Variants in ERC2 observed in about 807,000 individuals in gnomAD.
The protein encoded by ERC2 is ELKS/RAB6-interacting/CAST family member 2.
ERC2 carries 42 observed loss-of-function variants against 114.8 expected under a neutral mutation model. The observed-to-expected ratio is 0.37, with a 90% CI of 0.29 to 0.47. The LOEUF is 0.47. Among genes scored for constraint, ERC2 ranks in the 20% least tolerant of loss-of-function variants. The pLI is 0.99. For missense variants in ERC2, 939 were observed against 1,150.7 expected, an observed-to-expected ratio of 0.82 and a Z score of 2.66; for synonymous variants, 454 against 425.5, an observed-to-expected ratio of 1.07 and a Z score of -0.82.
At chr3:55,648,912 G>C (rs2060499412) in intron 17 of ERC2, among the ~76,000 whole-genome samples, 1 of 152,118 alleles carries the variant, frequency 6.6e-6, no homozygotes, top group African/African-American at 2.4e-5. Context: ...GTACAAGTGG[G>C]ACCAGGGAGG....
At chr3:56,040,695 G>T (rs559721459) in intron 7 of ERC2, among the ~76,000 whole-genome samples, 42 of 75,228 alleles carry the variant, frequency 5.6e-4, no homozygotes, top group African/African-American at 1.2e-3. Flanking sequence ...TCTCTATATA[G>T]AGAGAGATAT....
At chr3:56,196,658 T>C (rs2048125490) in intron 3 of ERC2, among the ~76,000 whole-genome samples, 1 of 152,212 alleles carries the variant, frequency 6.6e-6, no homozygotes, top group East Asian at 1.9e-4. Flanking sequence ...ATAATTTTCC[T>C]GTTAGCCATT....
At position 55,888,528 on chromosome 3, in the gene ERC2, G is replaced by A; in HGVS notation, c.2425C>T (p.Leu809=). 1 of 1,613,828 alleles carries A rather than the reference G, an allele frequency of 6.2e-7. No individual in the cohort carries two copies. Among genetic ancestry groups the A allele is most frequent in the South Asian group, 1.1e-5 (1 of 91,074 alleles). ...HLQIEELMNA[L]EKTRQELDAT... The stretch of plus-strand genomic sequence containing the variant: ...TCCAGTTCCTGTCTGGTCTTCTCCA[G>A]TGCATTCATCAGTTCCTCTATCTGA... The change falls in exon 14 of 18, where the codon CTG becomes TTG. Residue 809 remains leucine (L), a synonymous_variant. Transcript: ENST00000288221.
At chr3:55,632,923 G>C (rs566395629) in intron 17 of ERC2, among the ~76,000 whole-genome samples, 2 of 152,330 alleles carry the variant, frequency 1.3e-5, no homozygotes, top group African/African-American at 4.8e-5. Flanking sequence ...TAAACCACAA[G>C]TGTTCAAATT....
chr3:55,604,247 C>A (rs189649929), intron 17 of ERC2, among the ~76,000 whole-genome samples: 118 of 152,120 alleles, frequency 7.8e-4, no homozygotes, highest in African/African-American at 2.7e-3. Flanking sequence ...ACAACCGAGA[C>A]CCTCCCCTCA....
In ERC2 at chr3:56,465,988, G is replaced by A. The variant is rs536311330; in HGVS notation, c.-141+2260C>T. 7.2e-5 allele frequency among the ~76,000 whole-genome samples: 11 copies of A among 152,360 alleles called. No homozygotes were observed. In the South Asian group the frequency reaches 8.3e-4, roughly 11 times the overall value. Reference sequence around the variant, plus strand: ...CAAGGTCATGGGCTCTGGGTAAGACGAACCCGGGCTCAGGTTCTTGCTTTC... The same window carrying A: ...CAAGGTCATGGGCTCTGGGTAAGACAAACCCGGGCTCAGGTTCTTGCTTTC... On this transcript the variant is annotated intron_variant, in intron 1 of 17. Transcript: ENST00000288221.
At chr3:55,891,090 A>G (rs1375641469) in intron 13 of ERC2, among the ~76,000 whole-genome samples, 1 of 152,218 alleles carries the variant, frequency 6.6e-6, no homozygotes, top group Non-Finnish European at 1.5e-5. Flanking sequence ...TGGTTTCACA[A>G]TATTCTAGTT....
intron 17 of ERC2, among the ~76,000 whole-genome samples, chr3:55,607,291 G>A (rs377479471): frequency 6.6e-6 from 1 of 152,146 alleles, no homozygotes; most frequent in Non-Finnish European, 1.5e-5. Flanking sequence ...CCAGACTGGG[G>A]GTGAGTGGTC....
chr3:55,562,935 C>A (rs536874168), intron 17 of ERC2, among the ~76,000 whole-genome samples: 65 of 152,246 alleles, frequency 4.3e-4, no homozygotes, highest in African/African-American at 1.5e-3. Flanking sequence ...TGGAAATAAG[C>A]CATCCACTGT....
At chr3:56,431,091 G>A (rs1273558410) in intron 2 of ERC2, among the ~76,000 whole-genome samples, 1 of 152,166 alleles carries the variant, frequency 6.6e-6, no homozygotes. Flanking sequence ...TCAGATGACT[G>A]ATGAAATCAC....
intron 2 of ERC2, among the ~76,000 whole-genome samples, chr3:56,376,568 G>A (rs2059549246): frequency 6.6e-6 from 1 of 151,988 alleles, no homozygotes; most frequent in African/African-American, 2.4e-5. Context: ...TTTGAGACCA[G>A]CCTGACCAAC....
chr3:56,355,249 T>C (rs1214741831), intron 2 of ERC2, among the ~76,000 whole-genome samples: 1 of 152,196 alleles, frequency 6.6e-6, no homozygotes, highest in Non-Finnish European at 1.5e-5. Context: ...GAGAACACAC[T>C]ATAATTCTAA....
At chr3:55,820,714 T>G (rs887227760) in intron 14 of ERC2, among the ~76,000 whole-genome samples, 1 of 152,130 alleles carries the variant, frequency 6.6e-6, no homozygotes, top group Admixed American at 6.5e-5. Context: ...ACCAGATAGG[T>G]CACTACTCTG....
intron 4 of ERC2, among the ~76,000 whole-genome samples, chr3:56,150,023 G>C (rs113244854): frequency 2.6e-5 from 4 of 152,196 alleles, no homozygotes; most frequent in African/African-American, 4.8e-5. Context: ...GGCTTCAATC[G>C]GTCTTTGAAA....
At chr3:55,706,583 T>C (rs1432759791) in intron 15 of ERC2, among the ~76,000 whole-genome samples, 1 of 151,992 alleles carries the variant, frequency 6.6e-6, no homozygotes, top group Non-Finnish European at 1.5e-5. Context: ...TTTTATTTTT[T>C]GTATTTTTAG....
intron 13 of ERC2, among the ~76,000 whole-genome samples, chr3:55,949,278 G>A (rs987728494): frequency 2.6e-5 from 4 of 152,144 alleles, no homozygotes; most frequent in African/African-American, 9.7e-5. Context: ...GTTGAGGCAC[G>A]AGAATGGTGT....
At chr3:55,536,941 G>A (rs1055608492) in intron 17 of ERC2, among the ~76,000 whole-genome samples, 3 of 152,184 alleles carry the variant, frequency 2.0e-5, no homozygotes, top group Non-Finnish European at 4.4e-5. Flanking sequence ...TATAATTATT[G>A]ACCTGAGACA....
chr3:55,628,690 T>C (rs2059621271), intron 17 of ERC2, among the ~76,000 whole-genome samples: 1 of 152,070 alleles, frequency 6.6e-6, no homozygotes, highest in Admixed American at 6.6e-5. Context: ...GAAAATGTCA[T>C]TGAAAAAAGA....
chr3:56,204,897 T>G (rs199886492), intron 3 of ERC2, among the ~76,000 whole-genome samples: 16 of 43,840 alleles, frequency 3.6e-4, no homozygotes, highest in African/African-American at 8.5e-4. Flanking sequence ...AGAAAAAAAG[T>G]TTTTTTTTTA....
Sources: allele counts gnomAD v4.1 joint callset (sites outside exome capture counted in the v4.1 genomes callset), GRCh38; gene constraint gnomAD v4.1.1; transcripts MANE v1.5; gene names NCBI Gene and HGNC (gene_info 2026-07-23, HGNC 2026-07-21).